COQ8A: variants seen among roughly 807,000 people sequenced by gnomAD.
COQ8A encodes the protein atypical kinase COQ8A, mitochondrial.
COQ8A carries 51 observed loss-of-function variants against 65.0 expected under a neutral mutation model. That is an observed-to-expected ratio of 0.78 (90% CI 0.63 to 0.99). The LOEUF (loss-of-function observed/expected upper bound fraction) is 0.99. Among genes scored for constraint, COQ8A ranks in the 50% least tolerant of loss-of-function variants. The probability of loss-of-function intolerance (pLI) is 0.00; values close to 1 mark genes in which losing one functional copy is unlikely to be tolerated. For missense variants in COQ8A, 940 were observed against 875.0 expected (o/e 1.07, Z -0.94); for synonymous variants, 371 against 353.2 (o/e 1.05, Z -0.57).
intron 5 of COQ8A, among the ~76,000 whole-genome samples, chr1:226,978,121 C>A (rs1434740429): frequency 6.6e-6 from 1 of 150,864 alleles, no homozygotes; most frequent in East Asian, 2.0e-4. Flanking sequence ...ACACCCCCTG[C>A]ACACCCACCA....
Position 226,982,696 on chromosome 1 carries a change from C to T in COQ8A, c.872C>T (p.Pro291Leu). The change falls in exon 7 of 15, where the codon CCC becomes CTC. Residue 291 changes from proline to leucine, a missense_variant. Coordinates refer to ENST00000366777, the MANE Select transcript of COQ8A (RefSeq NM_020247.5). Reference protein sequence around the residue: ...LSIQDDAFINPHLAKIFERVR... With the variant: ...LSIQDDAFINLHLAKIFERVR... ...CTTCCAGATGATGCCTTTATCAACC[C>T]CCACCTGGCTAAGATCTTCGAGCGG... 6.2e-7 allele frequency: 1 copy of T among 1,613,568 alleles called. No individual in the cohort carries two copies. The highest frequency in any genetic ancestry group is 8.5e-7 in the Non-Finnish European group (1 of 1,180,010).
chr1:226,959,734 C>G (rs562954227), intron 1 of COQ8A, among the ~76,000 whole-genome samples: 60 of 152,350 alleles, frequency 3.9e-4, no homozygotes, highest in Non-Finnish European at 7.8e-4. Context: ...GGAGTGGGTG[C>G]TCACCATCTC....
At chr1:226,985,447 G>A (rs1184028735) in intron 14 of COQ8A, 107 bp downstream of exon 14, 1 of 1,304,270 alleles carries the variant, frequency 7.7e-7, no homozygotes, top group Non-Finnish European at 1.1e-6. Flanking sequence ...GGGGCCCCCA[G>A]AGCCCGGGCC....
chr1:226,977,842 C>CCG (rs1659339355), intron 5 of COQ8A, among the ~76,000 whole-genome samples: 1 of 151,750 alleles, frequency 6.6e-6, no homozygotes, highest in Admixed American at 6.6e-5. Context: ...CACTGAACAC[C>CCG]CACACACAAC....
At position 226,965,180 on chromosome 1, in the gene COQ8A, G is replaced by C. The variant is rs376347405; in HGVS notation, c.358G>C (p.Val120Leu). 2 of 1,613,704 alleles carry C rather than the reference G, an allele frequency of 1.2e-6. No individual in the cohort carries two copies. The highest frequency in any genetic ancestry group is 2.2e-5 in the South Asian group (2 of 91,088). Residue 120 changes from valine (V) to leucine (L), a missense_variant, in exon 3 of 15, where the codon GTG (valine) becomes CTG (leucine). By Grantham distance (32) the Val-to-Leu change is conservative. Coordinates refer to ENST00000366777, the MANE Select transcript of COQ8A (RefSeq NM_020247.5). ...CAGCGAGGGCCCAGCTCCTGCCTACGTGGCCAGTGGACCCTTTAGAGAAGC... is the reference window on the plus strand; with the variant it reads ...CAGCGAGGGCCCAGCTCCTGCCTACCTGGCCAGTGGACCCTTTAGAGAAGC... ...AHSEGPAPAY[V>L]ASGPFREAGF...
rs1293725917 is a variant in COQ8A at position 226,949,859 on chromosome 1, A to G, written c.-10+9460A>G. On this transcript the variant is annotated intron_variant, in intron 1 of 14. Coordinates refer to ENST00000366777, the MANE Select transcript of COQ8A (RefSeq NM_020247.5). The surrounding 1 kb of genome is among the most constrained non-coding windows in gnomAD (Gnocchi z 4.0). ...AGTCCTTTCAAGAACAGATGAGGAA[A>G]CTGAGGCACAAAGATAAGCTCACAT... Among the ~76,000 whole-genome samples the G allele has an allele frequency of 6.6e-6, 1 of 152,180 alleles. No individual in the cohort carries two copies. Among genetic ancestry groups the G allele is most frequent in the African/African-American group, 2.4e-5 (1 of 41,458 alleles).
Position 226,965,120 on chromosome 1 carries a change from G to A in COQ8A, c.298G>A (p.Asp100Asn), listed in dbSNP as rs150696959. Reference protein sequence around the residue: ...STDFSSASAPDQSAPPSLGHA... With the variant: ...STDFSSASAPNQSAPPSLGHA... ...AGACTTCTCTTCAGCCTCCGCTCCC[G>A]ACCAGTCAGCGCCCCCATCCCTGGG... is the stretch of plus-strand genomic sequence containing the variant. The change falls in exon 3 of 15, where the codon GAC becomes AAC. Residue 100 changes from aspartate (D) to asparagine (N), a missense_variant. By Grantham distance (23) the Asp-to-Asn change is conservative. Coordinates refer to ENST00000366777, the MANE Select transcript of COQ8A (RefSeq NM_020247.5). The A allele has an allele frequency of 8.1e-6, 13 of 1,613,822 alleles. No individual in the cohort carries two copies. Among genetic ancestry groups the A allele is most frequent in the South Asian group, 1.1e-5 (1 of 91,092 alleles).
intron 1 of COQ8A, among the ~76,000 whole-genome samples, chr1:226,956,039 C>G (rs1372262164): frequency 2.1e-5 from 3 of 143,408 alleles, no homozygotes; most frequent in Non-Finnish European, 4.5e-5. Flanking sequence ...CACACTCTCC[C>G]TGGCTCTCAC....
chr1:226,964,336 A>T (rs1043361517), intron 2 of COQ8A, among the ~76,000 whole-genome samples: 6 of 152,002 alleles, frequency 3.9e-5, no homozygotes, highest in African/African-American at 1.2e-4. Flanking sequence ...ACTCAAGGTC[A>T]CTCCTGGTTC....
At chr1:226,956,232 G>T (rs1484535795) in intron 1 of COQ8A, among the ~76,000 whole-genome samples, 69 of 77,282 alleles carry the variant, frequency 8.9e-4, no homozygotes, top group East Asian at 5.8e-3. Flanking sequence ...CCACTCCCTG[G>T]TTCACACTCT....
chr1:226,969,984 T>C (rs1001856391), intron 4 of COQ8A, among the ~76,000 whole-genome samples: 27 of 152,202 alleles, frequency 1.8e-4, no homozygotes, highest in African/African-American at 6.3e-4. Context: ...CTCTTTTTTT[T>C]TGGAGACAGT....
chr1:226,978,337 TCCA>T (rs1659408796), intron 5 of COQ8A, among the ~76,000 whole-genome samples: 1 of 39,302 alleles, frequency 2.5e-5, no homozygotes, highest in Non-Finnish European at 4.7e-5. Context: ...CTCTTTATCC[TCCA>T]CCCACCCTCC....
chr1:226,981,836 G>C (rs1320120287), intron 5 of COQ8A, among the ~76,000 whole-genome samples, 191 bp from the exon 6 acceptor site: 4 of 152,228 alleles, frequency 2.6e-5, no homozygotes, highest in Non-Finnish European at 5.9e-5. Flanking sequence ...AGGCGCTGGC[G>C]TAGGGCCTGG....
intron 1 of COQ8A, among the ~76,000 whole-genome samples, chr1:226,960,295 TACTTGGTGGTGGTGGC>T (rs1434761116): frequency 2.1e-4 from 28 of 130,402 alleles, no homozygotes; most frequent in South Asian, 5.4e-4. Flanking sequence ...TTGGTGGTGG[TACTTGGTGGTGGTGGC>T]GGTACTTGGT....
intron 5 of COQ8A, among the ~76,000 whole-genome samples, chr1:226,979,048 G>A (rs1011563190): frequency 6.6e-5 from 10 of 152,190 alleles, no homozygotes; most frequent in African/African-American, 2.2e-4. Flanking sequence ...GGTGTGGCTG[G>A]GGACAGGCGA....
Position 226,949,246 on chromosome 1 carries a change from G to T in COQ8A, c.-10+8847G>T, listed in dbSNP as rs947523994. On this transcript the variant is annotated intron_variant, in intron 1 of 14. Transcript: ENST00000366777. This position sits in a 1 kb window ranked among gnomAD's most constrained non-coding sequence, Gnocchi z 4.0. The stretch of plus-strand genomic sequence containing the variant: ...CTGATTTCGATGCCTGGGACTTCAG[G>T]CGCAGGAGTTTGGGTTTTATATATA... 6.6e-6 allele frequency among the ~76,000 whole-genome samples: 1 copy of T among 151,950 alleles called. No homozygotes were observed. The highest frequency in any genetic ancestry group is 2.4e-5 in the African/African-American group (1 of 41,360).
Position 226,986,706 on chromosome 1 carries a change from G to C in COQ8A, c.1913G>C (p.Ser638Thr). 1.9e-6 allele frequency: 3 copies of C among 1,613,842 alleles called. No homozygotes were observed. Among genetic ancestry groups the C allele is most frequent in the Non-Finnish European group, 2.5e-6 (3 of 1,180,038 alleles). ...PCKAMFEEAYSNYCKRQAQQ is the reference protein window; with the variant it reads ...PCKAMFEEAYTNYCKRQAQQ Reference sequence around the variant, plus strand: ...AAGGCCATGTTCGAGGAGGCCTACAGCAACTACTGCAAGAGGCAGGCCCAG... The same window carrying C: ...AAGGCCATGTTCGAGGAGGCCTACACCAACTACTGCAAGAGGCAGGCCCAG... Residue 638 changes from serine to threonine, a missense_variant, in exon 15 of 15, where the codon AGC becomes ACC. Coordinates refer to ENST00000366777, the MANE Select transcript of COQ8A (RefSeq NM_020247.5).
At chr1:226,944,248 A>G (rs926921844) in intron 1 of COQ8A, among the ~76,000 whole-genome samples, 35 of 152,040 alleles carry the variant, frequency 2.3e-4, no homozygotes, top group Non-Finnish European at 4.4e-5. Flanking sequence ...GGTTGGGGCC[A>G]GAAAGTGTGT....
chr1:226,955,763 C>T (rs1436708825), intron 1 of COQ8A, among the ~76,000 whole-genome samples: 5 of 131,800 alleles, frequency 3.8e-5, no homozygotes, highest in African/African-American at 6.1e-5. Flanking sequence ...CTCTCCCTGG[C>T]TCCCACTCCC....
Sources: gnomAD v4.1 joint callset for allele counts (sites outside exome capture counted in the v4.1 genomes callset) on GRCh38, gnomAD v4.1.1 for gene constraint, Gnocchi (gnomAD v3.1) non-coding constraint, MANE v1.5 for transcripts, NCBI Gene and HGNC (gene_info 2026-07-23, HGNC 2026-07-21) for gene names.